Variants in STIM2 observed in about 807,000 individuals in gnomAD.
STIM2 encodes stromal interaction molecule 2.
In STIM2, 31 loss-of-function variants were observed where a neutral mutation model predicts 85.8. The ratio of observed to expected loss-of-function variants is 0.36; its 90% CI spans 0.27 to 0.49. The LOEUF (loss-of-function observed/expected upper bound fraction) is 0.49, where lower values mean the gene tolerates loss of function less well. STIM2 is among the 20% of genes least tolerant of loss of function. The probability of loss-of-function intolerance (pLI) is 0.98; values close to 1 mark genes in which losing one functional copy is unlikely to be tolerated. For synonymous variants in STIM2, 356 were observed against 331.1 expected (o/e 1.08, Z -0.82); for missense variants, 841 against 927.6 (o/e 0.91, Z 1.21).
intron 1 of STIM2, among the ~76,000 whole-genome samples, chr4:26,876,768 T>A (rs1299469197): frequency 4.6e-5 from 7 of 152,128 alleles, no homozygotes; most frequent in Non-Finnish European, 1.0e-4. Context: ...TGGATTATAC[T>A]TTACAGTTCA....
intron 2 of STIM2, among the ~76,000 whole-genome samples, chr4:26,931,991 A>C (rs959000189): frequency 6.6e-6 from 1 of 152,218 alleles, no homozygotes; most frequent in African/African-American, 2.4e-5. Flanking sequence ...TTTATATACT[A>C]AGATAACATT....
At chr4:26,861,578 C>A in intron 1 of STIM2, 5 of 644,306 alleles carry the variant, frequency 7.8e-6, no homozygotes, top group Non-Finnish European at 1.1e-5. Flanking sequence ...CCGAGCCTCT[C>A]GACGGCACTG....
chr4:27,014,611 C>A (rs1577498270), intron 10 of STIM2, among the ~76,000 whole-genome samples: 1 of 151,558 alleles, frequency 6.6e-6, no homozygotes, highest in East Asian at 1.9e-4. Flanking sequence ...ATTTATTGGT[C>A]ATATATTTTA....
chr4:27,012,197 G>A (rs1341433799), intron 10 of STIM2, among the ~76,000 whole-genome samples: 2 of 151,998 alleles, frequency 1.3e-5, no homozygotes, highest in Non-Finnish European at 2.9e-5. Flanking sequence ...TTTATAAAAA[G>A]TTTTGATATT....
chr4:26,923,098 A>G (rs1170537850), intron 2 of STIM2, among the ~76,000 whole-genome samples: 1 of 149,608 alleles, frequency 6.7e-6, no homozygotes, highest in Non-Finnish European at 1.5e-5. Flanking sequence ...ACTGGGAGGC[A>G]CCCCCCAGCA....
chr4:26,885,644 TCTGA>T (rs745719760), intron 1 of STIM2, among the ~76,000 whole-genome samples: 4 of 151,780 alleles, frequency 2.6e-5, no homozygotes, highest in Non-Finnish European at 5.9e-5. Flanking sequence ...AGTTTTCATT[TCTGA>T]CTATTTTTTC....
At chr4:26,965,766 A>G (rs987386364) in intron 3 of STIM2, among the ~76,000 whole-genome samples, 7 of 152,106 alleles carry the variant, frequency 4.6e-5, no homozygotes, top group Non-Finnish European at 1.0e-4. Context: ...TGTGGAAGAT[A>G]CTTTGAGACA....
intron 1 of STIM2, among the ~76,000 whole-genome samples, chr4:26,865,523 A>G (rs186233962): frequency 6.6e-6 from 1 of 152,292 alleles, no homozygotes; most frequent in East Asian, 1.9e-4. Flanking sequence ...TTTTTGCGTA[A>G]TGATATCAAG....
At chr4:26,886,011 C>A (rs550944854) in intron 1 of STIM2, among the ~76,000 whole-genome samples, 1 of 151,606 alleles carries the variant, frequency 6.6e-6, no homozygotes, top group South Asian at 2.1e-4. Context: ...AGAAGCTGAT[C>A]ACCATGCGCC....
Position 26,887,174 on chromosome 4 carries a change from ATAAT to A in STIM2, c.151+25809_151+25812del, listed in dbSNP as rs916294547. ...CAAGATACAATAAGCACCAAACCAA[ATAAT>A]TAAACTTTTTTTTTTTTTTTTTTTT... On this transcript the variant is annotated intron_variant, in intron 1 of 11. Coordinates refer to ENST00000467087, the MANE Select transcript of STIM2 (RefSeq NM_020860.4). Among the ~76,000 whole-genome samples the A allele has an allele frequency of 6.4e-4, 95 of 148,014 alleles. 1 individual carries two copies. Among genetic ancestry groups the A allele is most frequent in the African/African-American group, 2.3e-3 (91 of 40,140 alleles).
In STIM2 at chr4:27,003,009, T is replaced by C; in HGVS notation, c.886T>C (p.Tyr296His). ...GCGCAAAATGATGGATGAAATCAAT[T>C]ATGCAAAGGAGGAGGCTTGTCGGCT... The change falls in exon 7 of 12, where the codon TAT (tyrosine) becomes CAT (histidine). Residue 296 changes from tyrosine (Y) to histidine (H), a missense_variant. By Grantham distance (83) the Tyr-to-His change is moderately conservative. Around this residue, in one of 3 missense-constraint regions of STIM2, gnomAD observed 408 missense variants for 525.4 expected, o/e 0.78. Transcript: ENST00000467087. The C allele has an allele frequency of 6.2e-7, 1 of 1,601,578 alleles. No homozygotes were observed. Among genetic ancestry groups the C allele is most frequent in the Non-Finnish European group, 8.5e-7 (1 of 1,175,814 alleles).
intron 11 of STIM2, among the ~76,000 whole-genome samples, chr4:27,020,198 G>T (rs2109147483): frequency 6.6e-6 from 1 of 152,298 alleles, no homozygotes; most frequent in Non-Finnish European, 1.5e-5. Context: ...TTTTAGCCTA[G>T]CTTAGAATTT....
At chr4:26,888,618 C>T (rs753205372) in intron 1 of STIM2, among the ~76,000 whole-genome samples, 1 of 152,162 alleles carries the variant, frequency 6.6e-6, no homozygotes, top group Non-Finnish European at 1.5e-5. Context: ...CCTTAGCAAG[C>T]ACCTTAGCTC....
Position 27,022,654 on chromosome 4 carries a change from G to A in STIM2, c.1899G>A (p.Glu633=), listed in dbSNP as rs748152153. The change falls in exon 12 of 12, where the codon GAG becomes GAA. Residue 633 remains glutamate (E), a synonymous_variant. Transcript: ENST00000467087. The stretch of plus-strand genomic sequence containing the variant: ...TATCAAGAGATGAGGTGTCCCTAGA[G>A]GATTCCTCCCGAGGGGATTCGCCTG... The A allele has an allele frequency of 1.2e-6, 2 of 1,614,234 alleles. No individual in the cohort carries two copies. Among genetic ancestry groups the A allele is most frequent in the Non-Finnish European group, 1.7e-6 (2 of 1,180,036 alleles).
At chr4:26,980,423 A>G (rs1727340223) in intron 3 of STIM2, among the ~76,000 whole-genome samples, 1 of 152,114 alleles carries the variant, frequency 6.6e-6, no homozygotes, top group Non-Finnish European at 1.5e-5. Flanking sequence ...GACCAGAGTA[A>G]GTAGAATACT....
At chr4:26,963,195 A>G (rs977783347) in intron 3 of STIM2, among the ~76,000 whole-genome samples, 2 of 152,172 alleles carry the variant, frequency 1.3e-5, no homozygotes, top group Admixed American at 6.5e-5. Context: ...AAAAGGAAAT[A>G]TAAAGAAAAA....
At chr4:26,937,564 C>G (rs1725438503) in intron 2 of STIM2, among the ~76,000 whole-genome samples, 2 of 152,126 alleles carry the variant, frequency 1.3e-5, no homozygotes, top group African/African-American at 4.8e-5. Context: ...TGTGCCTTTA[C>G]TGTAACATTA....
intron 1 of STIM2, among the ~76,000 whole-genome samples, chr4:26,885,083 A>G (rs1457490742): frequency 6.6e-6 from 1 of 152,206 alleles, no homozygotes; most frequent in East Asian, 1.9e-4. Flanking sequence ...TGGGTACAAT[A>G]TTAGGGTTAG....
At chr4:26,869,166 G>A (rs1722513637) in intron 1 of STIM2, among the ~76,000 whole-genome samples, 1 of 151,990 alleles carries the variant, frequency 6.6e-6, no homozygotes. Flanking sequence ...GCGTGATGAT[G>A]TGCGCCTGTA....
Sources: gnomAD v4.1 joint callset for allele counts (sites outside exome capture counted in the v4.1 genomes callset) on GRCh38, gnomAD v4.1.1 for gene constraint, gnomAD v4.1.1 regional missense constraint, MANE v1.5 for transcripts, NCBI Gene and HGNC (gene_info 2026-07-23, HGNC 2026-07-21) for gene names.